ARHGAP44: variants seen among roughly 807,000 people sequenced by gnomAD.
ARHGAP44 encodes the protein Rho GTPase activating protein 44.
In ARHGAP44, 43 loss-of-function variants were observed where a neutral mutation model predicts 106.8. The observed-to-expected ratio is 0.40, with a 90% CI of 0.32 to 0.52. The LOEUF (loss-of-function observed/expected upper bound fraction) is 0.52, where lower values mean the gene tolerates loss of function less well. Ranked by LOEUF, ARHGAP44 falls within the 20% of genes least tolerant of loss-of-function variation. The pLI is 0.48. For missense variants in ARHGAP44, 866 were observed against 1,050.5 expected (o/e 0.82, Z 2.43); for synonymous variants, 439 against 410.3 (o/e 1.07, Z -0.85).
At position 12,789,520 on chromosome 17, in the gene ARHGAP44, G is replaced by A. The variant is rs911904054; in HGVS notation, c.-319G>A. Reference sequence around the variant, plus strand: ...GCCAGCCAGCCTGCGGAGACTCCCGGGTCCCCGCGCCGGACTGGGACTGGG... The same window carrying A: ...GCCAGCCAGCCTGCGGAGACTCCCGAGTCCCCGCGCCGGACTGGGACTGGG... On this transcript the variant is annotated 5_prime_UTR_variant, in exon 1 of 21. Coordinates refer to ENST00000379672, the MANE Select transcript of ARHGAP44 (RefSeq NM_014859.6). The A allele has an allele frequency of 1.6e-5, 3 of 187,848 alleles. No homozygotes were observed. Among genetic ancestry groups the A allele is most frequent in the Non-Finnish European group, 3.3e-5 (3 of 91,644 alleles). 11.6% of individuals were successfully genotyped at this position (187,848 alleles called of 1,614,324 possible). A position where few individuals can be genotyped will look rare whatever the true frequency, so the allele number is the denominator to read the frequency against.
At chr17:12,908,611 C>A (rs901728112) in intron 3 of ARHGAP44, among the ~76,000 whole-genome samples, 2 of 152,120 alleles carry the variant, frequency 1.3e-5, no homozygotes, top group Admixed American at 1.3e-4. Context: ...AAATTTTTCT[C>A]ATTTTTCCTT....
intron 1 of ARHGAP44, among the ~76,000 whole-genome samples, chr17:12,816,186 G>C (rs1300096645): frequency 1.3e-5 from 2 of 152,158 alleles, no homozygotes; most frequent in Non-Finnish European, 2.9e-5. Context: ...GTAGAAGGCA[G>C]ATCTGTTTGA....
chr17:12,919,850 CT>C lies in ARHGAP44; in HGVS notation c.464+25del. 6.2e-7 allele frequency: 1 copy of C among 1,602,550 alleles called. No homozygotes were observed. Among genetic ancestry groups the C allele is most frequent in the Non-Finnish European group, 8.5e-7 (1 of 1,174,172 alleles). Reference sequence around the variant, plus strand: ...GAACCAGGTAGAATCTCTTTACTTTCTTTTTTGCTTCTTTGAAGGGACAGTG... The same window carrying C: ...GAACCAGGTAGAATCTCTTTACTTTCTTTTTGCTTCTTTGAAGGGACAGTG... On this transcript the variant is annotated intron_variant, in intron 6 of 20. Coordinates refer to ENST00000379672, the MANE Select transcript of ARHGAP44 (RefSeq NM_014859.6).
Position 12,974,163 on chromosome 17 carries a change from C to G in ARHGAP44, c.1616C>G (p.Ala539Gly). Residue 539 changes from alanine to glycine, a missense_variant, in exon 18 of 21, where the codon GCC becomes GGC. Ala to Gly is a moderately conservative substitution (Grantham distance 60). Transcript: ENST00000379672. ...TCGGCCGGTCGGAAAGTGTCCTGCG[C>G]CCCGCCCTCCATGCAGCCTCCCGCC... The part of the protein sequence containing the change: ...GSSAGRKVSC[A>G]PPSMQPPAPP... 1.9e-6 allele frequency: 3 copies of G among 1,554,376 alleles called. No individual in the cohort carries two copies. The highest frequency in any genetic ancestry group is 2.6e-6 in the Non-Finnish European group (3 of 1,149,534).
intron 1 of ARHGAP44, among the ~76,000 whole-genome samples, chr17:12,790,905 G>A (rs768246899): frequency 1.3e-5 from 2 of 152,196 alleles, no homozygotes; most frequent in Non-Finnish European, 2.9e-5. Context: ...AAAGCAATCA[G>A]AAAGCAAAGA....
At chr17:12,896,860 T>G (rs1464732358) in intron 3 of ARHGAP44, among the ~76,000 whole-genome samples, 1 of 152,208 alleles carries the variant, frequency 6.6e-6, no homozygotes, top group Non-Finnish European at 1.5e-5. Context: ...ATTCAGCTCA[T>G]TCATAGATTG....
chr17:12,966,044 TAGTC>T (rs1598131637), intron 16 of ARHGAP44, among the ~76,000 whole-genome samples: 1 of 151,764 alleles, frequency 6.6e-6, no homozygotes, highest in Non-Finnish European at 1.5e-5. Flanking sequence ...AGTCCCAGCT[TAGTC>T]AGAAGGCTGA....
chr17:12,931,841 T>TACACACACACACACACAC (rs10522083), intron 7 of ARHGAP44, among the ~76,000 whole-genome samples: 2 of 146,304 alleles, frequency 1.4e-5, no homozygotes, highest in African/African-American at 5.1e-5. Flanking sequence ...ACAGTAGGGA[T>TACACACACACACACACAC]ACACACACAC....
chr17:12,976,535 C>T (rs1410112594), intron 18 of ARHGAP44, among the ~76,000 whole-genome samples: 1 of 150,198 alleles, frequency 6.7e-6, no homozygotes, highest in Non-Finnish European at 1.5e-5. Context: ...ATCGCTTGAA[C>T]CCAGGAGGCG....
intron 1 of ARHGAP44, among the ~76,000 whole-genome samples, chr17:12,846,255 AC>A (rs2035567536): frequency 1.3e-5 from 2 of 152,212 alleles, no homozygotes; most frequent in African/African-American, 4.8e-5. Context: ...AAATTCATAA[AC>A]ATGTTAACTT....
chr17:12,890,040 G>A (rs1278961990), intron 1 of ARHGAP44, among the ~76,000 whole-genome samples: 3 of 152,170 alleles, frequency 2.0e-5, no homozygotes, highest in East Asian at 1.9e-4. Flanking sequence ...GGTTTTGCTG[G>A]GTGTGGCAGT....
At chr17:12,914,045 G>A (rs1335532208) in intron 4 of ARHGAP44, among the ~76,000 whole-genome samples, 1 of 149,226 alleles carries the variant, frequency 6.7e-6, no homozygotes, top group East Asian at 2.0e-4. Flanking sequence ...GACATTTGTA[G>A]CAGATAGGAA....
At chr17:12,799,111 A>G (rs1025550645) in intron 1 of ARHGAP44, among the ~76,000 whole-genome samples, 6 of 152,122 alleles carry the variant, frequency 3.9e-5, no homozygotes, top group Admixed American at 1.3e-4. Context: ...AGCTATTTTC[A>G]TTTGGATTTC....
intron 6 of ARHGAP44, among the ~76,000 whole-genome samples, chr17:12,921,434 C>T (rs961820136): frequency 3.9e-5 from 6 of 152,166 alleles, no homozygotes; most frequent in African/African-American, 1.4e-4. Context: ...CACTCTTGAA[C>T]TCTTGGGCTC....
intron 1 of ARHGAP44, among the ~76,000 whole-genome samples, chr17:12,838,814 G>A (rs2035313155): frequency 6.6e-6 from 1 of 151,988 alleles, no homozygotes; most frequent in Non-Finnish European, 1.5e-5. Flanking sequence ...TGGGATTACA[G>A]ACACCCACCA....
At chr17:12,961,969 T>C (rs2039274036) in intron 16 of ARHGAP44, among the ~76,000 whole-genome samples, 1 of 152,104 alleles carries the variant, frequency 6.6e-6, no homozygotes, top group African/African-American at 2.4e-5. Context: ...TTGGCCCCAT[T>C]TCTGATCTTT....
At chr17:12,913,570 T>A (rs9903617) in intron 4 of ARHGAP44, among the ~76,000 whole-genome samples, 287 of 152,292 alleles carry the variant, frequency 1.9e-3, no homozygotes, top group African/African-American at 6.5e-3. Flanking sequence ...TTAAATTTTT[T>A]TAATTAAGTA....
intron 1 of ARHGAP44, among the ~76,000 whole-genome samples, chr17:12,892,563 T>G (rs1411279813): frequency 1.3e-5 from 2 of 152,112 alleles, no homozygotes; most frequent in Non-Finnish European, 2.9e-5. Context: ...TGTGGCCAAC[T>G]TAGTCTAATA....
chr17:12,877,001 G>A (rs939280255), intron 1 of ARHGAP44, among the ~76,000 whole-genome samples: 9 of 152,102 alleles, frequency 5.9e-5, no homozygotes, highest in Non-Finnish European at 8.8e-5. Flanking sequence ...AGTAGAAAGG[G>A]ACCAATAGTT....
Sources: allele counts gnomAD v4.1 joint callset (sites outside exome capture counted in the v4.1 genomes callset), GRCh38; gene constraint gnomAD v4.1.1; transcripts MANE v1.5; gene names NCBI Gene and HGNC (gene_info 2026-07-23, HGNC 2026-07-21).